HIVEP3: variants seen among roughly 807,000 people sequenced by gnomAD.
The protein encoded by HIVEP3 is HIVEP zinc finger 3, also known as transcription factor HIVEP3.
HIVEP3 carries 49 observed loss-of-function variants against 152.8 expected under a neutral mutation model. The ratio of observed to expected loss-of-function variants is 0.32; its 90% CI spans 0.26 to 0.41. The LOEUF (loss-of-function observed/expected upper bound fraction) is 0.41, where lower values mean the gene tolerates loss of function less well. Ranked by LOEUF, HIVEP3 falls within the 10% of genes least tolerant of loss-of-function variation. The probability of loss-of-function intolerance (pLI) is 1.00; values close to 1 mark genes in which losing one functional copy is unlikely to be tolerated. For missense variants in HIVEP3, 2,790 were observed against 3,103.3 expected, an observed-to-expected ratio of 0.90 and a Z score of 2.40; for synonymous variants, 1,269 against 1,289.0, an observed-to-expected ratio of 0.98 and a Z score of 0.33.
intron 2 of HIVEP3, among the ~76,000 whole-genome samples, chr1:41,659,325 T>C (rs1486162502): frequency 1.3e-5 from 2 of 152,226 alleles, no homozygotes; most frequent in East Asian, 3.8e-4. Flanking sequence ...CTCCCTGGCA[T>C]TCTCCATCAC....
intron 1 of HIVEP3, among the ~76,000 whole-genome samples, chr1:41,927,745 A>G (rs1381127850): frequency 6.6e-6 from 1 of 152,196 alleles, no homozygotes; most frequent in Non-Finnish European, 1.5e-5. Flanking sequence ...CTCTCTTAGA[A>G]GGATAAAAGA....
chr1:41,785,330 T>C (rs554353990), intron 1 of HIVEP3, among the ~76,000 whole-genome samples: 1 of 152,160 alleles, frequency 6.6e-6, no homozygotes, highest in South Asian at 2.1e-4. Context: ...ACCAACTGAG[T>C]AGGCAGAGAA....
chr1:41,836,459 G>A (rs188206256), intron 1 of HIVEP3, among the ~76,000 whole-genome samples: 93 of 152,318 alleles, frequency 6.1e-4, no homozygotes, highest in South Asian at 3.5e-3. Flanking sequence ...CTCCTTGGGC[G>A]TCACAGGGCA....
At chr1:41,732,327 A>G (rs1467649805) in intron 1 of HIVEP3, among the ~76,000 whole-genome samples, 2 of 152,088 alleles carry the variant, frequency 1.3e-5, no homozygotes, top group Non-Finnish European at 2.9e-5. Context: ...AGATTAAGCA[A>G]CTCGCCCAGG....
intron 1 of HIVEP3, among the ~76,000 whole-genome samples, chr1:41,751,386 C>A (rs1284679938): frequency 7.3e-6 from 1 of 137,574 alleles, no homozygotes; most frequent in Admixed American, 8.2e-5. Context: ...AGTCAGCCTG[C>A]TAAATTTAGC....
At chr1:41,866,909 G>C (rs1643987046) in intron 1 of HIVEP3, among the ~76,000 whole-genome samples, 1 of 152,214 alleles carries the variant, frequency 6.6e-6, no homozygotes, top group Non-Finnish European at 1.5e-5. Flanking sequence ...CCTTGACTGT[G>C]TCTTAAGGAC....
intron 1 of HIVEP3, among the ~76,000 whole-genome samples, chr1:42,021,836 C>T (rs1645556367): frequency 6.6e-6 from 1 of 152,158 alleles, no homozygotes; most frequent in African/African-American, 2.4e-5. Context: ...TCTGTCTATT[C>T]TTCTGTCAGT....
chr1:41,997,276 T>C (rs899134978), intron 1 of HIVEP3, among the ~76,000 whole-genome samples: 2 of 152,196 alleles, frequency 1.3e-5, no homozygotes, highest in East Asian at 3.9e-4. Flanking sequence ...GGAGTGCCAA[T>C]AAATGTGTGG....
At chr1:41,771,182 G>T (rs1648331497) in intron 1 of HIVEP3, among the ~76,000 whole-genome samples, 1 of 152,040 alleles carries the variant, frequency 6.6e-6, no homozygotes, top group Admixed American at 6.5e-5. Flanking sequence ...TGCTCTAGAG[G>T]TACCATCTTT....
At chr1:41,888,624 C>T (rs1644390792) in intron 1 of HIVEP3, among the ~76,000 whole-genome samples, 1 of 151,848 alleles carries the variant, frequency 6.6e-6, no homozygotes, top group South Asian at 2.1e-4. Flanking sequence ...CAGATCACAC[C>T]TGACAGAATA....
chr1:41,817,975 T>A lies in HIVEP3; in HGVS notation c.-801+100438A>T, dbSNP rs913063740. ...CAATCCTGATTCCACCCTCTTGAGC[T>A]GAGTGACTAGGGGCCAGCTCTACTG... On this transcript the variant is annotated intron_variant, in intron 1 of 8. Transcript: ENST00000372583. 2.0e-5 allele frequency among the ~76,000 whole-genome samples: 3 copies of A among 152,166 alleles called. No individual in the cohort carries two copies. In the South Asian group the frequency reaches 6.2e-4, roughly 31 times the overall value.
intron 1 of HIVEP3, among the ~76,000 whole-genome samples, chr1:41,909,774 C>G (rs1433734094): frequency 6.6e-6 from 1 of 151,816 alleles, no homozygotes; most frequent in Non-Finnish European, 1.5e-5. Context: ...AACCATGAGG[C>G]AATTAAGTTA....
At chr1:41,826,393 G>A (rs976444799) in intron 1 of HIVEP3, among the ~76,000 whole-genome samples, 1 of 152,172 alleles carries the variant, frequency 6.6e-6, no homozygotes, top group Non-Finnish European at 1.5e-5. Context: ...GCATGGGTGT[G>A]AGATGCCCTG....
rs558300952 is a variant in HIVEP3 at position 41,888,075 on chromosome 1, G to A, written c.-801+30338C>T. On this transcript the variant is annotated intron_variant, in intron 1 of 8. Coordinates refer to ENST00000372583, the MANE Select transcript of HIVEP3 (RefSeq NM_024503.5). Reference sequence around the variant, plus strand: ...TTTTTTTTGAGACTGAGTCTCTGTCGCCCAGGCTGGAGTGCAGTGGCGTGA... The same window carrying A: ...TTTTTTTTGAGACTGAGTCTCTGTCACCCAGGCTGGAGTGCAGTGGCGTGA... Among the ~76,000 whole-genome samples, 22 of 140,336 alleles carry A rather than the reference G, an allele frequency of 1.6e-4. No homozygotes were observed. The South Asian group carries it at 3.4e-3, about 22-fold the overall frequency. 92.1% of individuals were successfully genotyped at this position (140,336 alleles called of 152,430 possible).
chr1:41,592,953 C>T (rs1644609111), intron 3 of HIVEP3, among the ~76,000 whole-genome samples: 1 of 152,158 alleles, frequency 6.6e-6, no homozygotes, highest in South Asian at 2.1e-4. Flanking sequence ...CCTGCTGACC[C>T]TCTCTTGGGC....
At chr1:41,570,281 CTG>C (rs1644233037) in intron 5 of HIVEP3, among the ~76,000 whole-genome samples, 1 of 152,198 alleles carries the variant, frequency 6.6e-6, no homozygotes, top group Non-Finnish European at 1.5e-5. Context: ...TAGGGTTTGT[CTG>C]TGTCCCCACC....
At chr1:41,976,498 A>G (rs1319936661) in intron 1 of HIVEP3, among the ~76,000 whole-genome samples, 1 of 152,210 alleles carries the variant, frequency 6.6e-6, no homozygotes, top group African/African-American at 2.4e-5. Context: ...GGGTGTGACA[A>G]CCCTTTCTTT....
At chr1:41,634,428 A>G (rs1645240631) in intron 2 of HIVEP3, among the ~76,000 whole-genome samples, 1 of 152,134 alleles carries the variant, frequency 6.6e-6, no homozygotes, top group Non-Finnish European at 1.5e-5. Context: ...AACAAAGAAA[A>G]CTCTATTAAT....
chr1:41,744,572 C>T (rs553014232), intron 1 of HIVEP3, among the ~76,000 whole-genome samples: 4 of 152,310 alleles, frequency 2.6e-5, no homozygotes, highest in South Asian at 2.1e-4. Context: ...TAATGTCTAA[C>T]GGAAGCTCAT....
Sources: allele counts gnomAD v4.1 joint callset (sites outside exome capture counted in the v4.1 genomes callset), GRCh38; gene constraint gnomAD v4.1.1; transcripts MANE v1.5; gene names NCBI Gene and HGNC (gene_info 2026-07-23, HGNC 2026-07-21).